The following ANKRD44 variants were observed in gnomAD, a reference collection of about 807,000 sequenced individuals.
ANKRD44 encodes serine/threonine-protein phosphatase 6 regulatory ankyrin repeat subunit B.
Under a neutral mutation model 116.0 loss-of-function variants are expected in ANKRD44, and 35 were observed. The observed-to-expected ratio is 0.30, with a 90% CI of 0.23 to 0.40. ANKRD44 has a LOEUF of 0.40. Ranked by LOEUF, ANKRD44 falls within the 10% of genes least tolerant of loss-of-function variation. The pLI is 1.00. For synonymous variants in ANKRD44, 435 were observed against 461.8 expected (o/e 0.94, Z 0.74); for missense variants, 1,014 against 1,242.6 (o/e 0.82, Z 2.77).
chr2:197,260,545 G>A (rs1436109539), intron 1 of ANKRD44, among the ~76,000 whole-genome samples: 1 of 151,988 alleles, frequency 6.6e-6, no homozygotes, highest in Non-Finnish European at 1.5e-5. Flanking sequence ...ATAAACATAC[G>A]TGTGCATGTG....
chr2:197,012,982 C>G (rs1176878265), intron 18 of ANKRD44, among the ~76,000 whole-genome samples: 1 of 152,120 alleles, frequency 6.6e-6, no homozygotes, highest in Non-Finnish European at 1.5e-5. Context: ...AAATGACTTT[C>G]TTTTTGATAT....
chr2:197,253,145 C>T (rs762548449), intron 1 of ANKRD44, among the ~76,000 whole-genome samples: 25 of 152,076 alleles, frequency 1.6e-4, no homozygotes, highest in Admixed American at 1.1e-3. Context: ...TCCTGTATAA[C>T]GATGGTACAA....
chr2:197,069,448 TA>T (rs369601584), intron 16 of ANKRD44, among the ~76,000 whole-genome samples: 83 of 151,652 alleles, frequency 5.5e-4, no homozygotes, highest in African/African-American at 1.5e-3. Flanking sequence ...TAAAGTATAA[TA>T]AAAAAAAATT....
intron 10 of ANKRD44, among the ~76,000 whole-genome samples, chr2:197,093,645 G>T (rs2078097397): frequency 6.6e-6 from 1 of 152,096 alleles, no homozygotes; most frequent in African/African-American, 2.4e-5. Context: ...GTCAAGATTG[G>T]AAATAAAAGA....
intron 3 of ANKRD44, among the ~76,000 whole-genome samples, chr2:197,141,729 T>C (rs2079372526): frequency 6.6e-6 from 1 of 152,170 alleles, no homozygotes; most frequent in Non-Finnish European, 1.5e-5. Context: ...GAAAACCTCC[T>C]CTCCCCCATA....
intron 16 of ANKRD44, among the ~76,000 whole-genome samples, chr2:197,065,722 C>A (rs2077417775): frequency 6.6e-6 from 1 of 152,142 alleles, no homozygotes; most frequent in Non-Finnish European, 1.5e-5. Context: ...AATTCCTGGA[C>A]ATATACACCC....
chr2:197,188,155 G>T (rs2125607694), intron 1 of ANKRD44, among the ~76,000 whole-genome samples: 1 of 152,280 alleles, frequency 6.6e-6, no homozygotes, highest in South Asian at 2.1e-4. Flanking sequence ...GAAGAGGGGG[G>T]TGTTACCAAG....
intron 1 of ANKRD44, among the ~76,000 whole-genome samples, chr2:197,200,357 G>GA (rs1251928329): frequency 6.6e-6 from 1 of 152,032 alleles, no homozygotes; most frequent in Non-Finnish European, 1.5e-5. Flanking sequence ...ATGGAGGAAG[G>GA]AAAAAAATGT....
intron 1 of ANKRD44, among the ~76,000 whole-genome samples, chr2:197,283,543 T>A (rs986841680): frequency 6.6e-6 from 1 of 152,238 alleles, no homozygotes; most frequent in African/African-American, 2.4e-5. Context: ...GTCTCTTTAA[T>A]TATGGTAAAT....
intron 4 of ANKRD44, among the ~76,000 whole-genome samples, chr2:197,128,297 G>C (rs930380006): frequency 2.6e-5 from 4 of 152,140 alleles, no homozygotes; most frequent in African/African-American, 9.7e-5. Context: ...AACCTCACCA[G>C]CATCTCTTGT....
At chr2:196,990,244 A>G in intron 27 of ANKRD44, 1 of 986,810 alleles carries the variant, frequency 1.0e-6, no homozygotes, top group Non-Finnish European at 1.2e-6. Context: ...CAAAGTGAGA[A>G]GAAGTTTGAG....
rs1221246082 is a variant in ANKRD44 at position 197,307,411 on chromosome 2, C to T, written c.27+3167G>A. The stretch of plus-strand genomic sequence containing the variant: ...GCACAAACCAGGATGGTTAGTGCCC[C>T]CTAAGGCTGCAATAAAAATTATGTG... On this transcript the variant is annotated intron_variant, in intron 1 of 27. Transcript: ENST00000282272. 2.0e-5 allele frequency among the ~76,000 whole-genome samples: 3 copies of T among 151,964 alleles called. 1 individual carries two copies. Among genetic ancestry groups the T allele is most frequent in the Admixed American group, 2.0e-4 (3 of 15,264 alleles).
chr2:196,994,633 G>A (rs2125883987), intron 26 of ANKRD44: 1 of 152,564 alleles, frequency 6.6e-6, no homozygotes, highest in South Asian at 2.1e-4. Context: ...TCCTGCCTCA[G>A]CCTCCCAAGT....
chr2:196,968,042 G>A (rs2075687530), intron 21 of ANKRD44, among the ~76,000 whole-genome samples: 1 of 152,082 alleles, frequency 6.6e-6, no homozygotes. Context: ...GCAGAGGCCA[G>A]CACCACACTT....
intron 16 of ANKRD44, among the ~76,000 whole-genome samples, chr2:197,046,913 AAGTT>A (rs2077012404): frequency 6.6e-6 from 1 of 152,230 alleles, no homozygotes; most frequent in South Asian, 2.1e-4. Flanking sequence ...AACGAATAAA[AAGTT>A]AGCCTTAAAA....
At chr2:196,989,759 T>C (rs1352529997) in intron 27 of ANKRD44, 110 bp from the exon 28 acceptor site, 4 of 1,499,672 alleles carry the variant, frequency 2.7e-6, no homozygotes, top group East Asian at 2.5e-5. Context: ...GCTTTCACTT[T>C]TTTTGTTCCT....
At chr2:197,211,299 G>A (rs1181627463) in intron 1 of ANKRD44, among the ~76,000 whole-genome samples, 1 of 152,146 alleles carries the variant, frequency 6.6e-6, no homozygotes, top group East Asian at 1.9e-4. Flanking sequence ...GATGTTGTGG[G>A]GAAATGGGGA....
At chr2:197,080,839 C>T (rs775489375) in intron 15 of ANKRD44, among the ~76,000 whole-genome samples, 5 of 152,170 alleles carry the variant, frequency 3.3e-5, no homozygotes, top group East Asian at 1.9e-4. Context: ...AAGTTAACAA[C>T]GATGTGCCTG....
rs16860284 is a variant in ANKRD44, at chr2:196,998,253, A to C, written c.2748+84T>G. ...ACATCTTAATTAAGAGCCATGCTAC[A>C]CAGTTCCGAGGTAGAATTTCAGTGT... On this transcript the variant is annotated intron_variant, in intron 25 of 27. Coordinates refer to ENST00000282272, the MANE Select transcript of ANKRD44 (RefSeq NM_001195144.2). The C allele has an allele frequency of 9.6e-3, 9,976 of 1,038,222 alleles. 607 individuals are homozygous for C. In the African/African-American group the frequency reaches 0.14, roughly 15 times the overall value. The allele number at this position is 1,038,222 out of a possible 1,614,324, so 64.3% of individuals were successfully genotyped here.
Sources: allele counts gnomAD v4.1 joint callset (sites outside exome capture counted in the v4.1 genomes callset), GRCh38; gene constraint gnomAD v4.1.1; transcripts MANE v1.5; gene names NCBI Gene and HGNC (gene_info 2026-07-23, HGNC 2026-07-21).